The following LMNA variants were observed in gnomAD, a reference collection of about 807,000 sequenced individuals.
LMNA encodes lamin A/C.
In LMNA, 20 loss-of-function variants were observed where a neutral mutation model predicts 70.4. That is an observed-to-expected ratio of 0.28 (90% confidence interval 0.20 to 0.41). LMNA has a LOEUF of 0.41. Among genes scored for constraint, LMNA ranks in the 10% least tolerant of loss-of-function variants. LMNA has a pLI of 1.00. For missense variants in LMNA, 652 were observed against 917.2 expected (o/e 0.71, Z 3.73); for synonymous variants, 339 against 372.8 (o/e 0.91, Z 1.04).
At chr1:156,102,517 C>G (rs1649179603) in intron 3 of LMNA, among the ~76,000 whole-genome samples, 1 of 152,130 alleles carries the variant, frequency 6.6e-6, no homozygotes, top group South Asian at 2.1e-4. Context: ...GTGAATGAAC[C>G]CTTCCATCTC....
Position 156,137,477 on chromosome 1 carries a change from A to C in LMNA, c.1609-177A>C, listed in dbSNP as rs1651759420. 2 of 780,074 alleles carry C rather than the reference A, an allele frequency of 2.6e-6. No individual in the cohort carries two copies. Among genetic ancestry groups the C allele is most frequent in the African/African-American group, 1.7e-5 (1 of 58,596 alleles). 48.3% of individuals were successfully genotyped at this position (780,074 alleles called of 1,614,324 possible). On this transcript the variant is annotated intron_variant, in intron 9 of 11. Transcript: ENST00000368300. This position sits in a 1 kb window ranked among gnomAD's most constrained non-coding sequence, Gnocchi z 4.6. ...CATACTCCTACCCGGAGAGCTTGAC[A>C]GTGTCCCTCTGGGGTGGAAATGAGT...
chr1:156,116,129 T>G (rs189710486), intron 1 of LMNA, among the ~76,000 whole-genome samples: 2 of 152,346 alleles, frequency 1.3e-5, no homozygotes, highest in Admixed American at 6.5e-5. Context: ...CTCTGCCTAG[T>G]GTCTTCGAGG....
At chr1:156,129,965 C>A (rs549499815) in intron 1 of LMNA, 36 of 722,172 alleles carry the variant, frequency 5.0e-5, no homozygotes, top group East Asian at 2.1e-4. Flanking sequence ...GAGGCAGGGA[C>A]CCCTCTGTTC....
In LMNA at chr1:156,114,810, G is replaced by T. The variant is rs886045360; in HGVS notation, c.-109G>T. 2.4e-5 allele frequency: 18 copies of T among 762,912 alleles called. No homozygotes were observed. Among genetic ancestry groups the T allele is most frequent in the Non-Finnish European group, 3.4e-5 (17 of 493,618 alleles). 47.3% of individuals were successfully genotyped at this position (762,912 alleles called of 1,614,324 possible). The stretch of plus-strand genomic sequence containing the variant: ...CACGCCTGCCAGGAGCAAGCCGAGA[G>T]CCAGCCGGCCGGCGCACTCCGACTC... On this transcript the variant is annotated 5_prime_UTR_variant, in exon 1 of 12. Transcript: ENST00000368300.
chr1:156,109,814 G>A (rs1449256951), upstream of LMNA: 1 of 137,800 alleles, frequency 7.3e-6, no homozygotes, highest in East Asian at 2.4e-4. Flanking sequence ...GTGTGTGTGT[G>A]TGTGCATATA....
chr1:156,096,807 C>T (rs1368944869), intron 3 of LMNA, among the ~76,000 whole-genome samples: 2 of 152,236 alleles, frequency 1.3e-5, no homozygotes, highest in Non-Finnish European at 1.5e-5. Flanking sequence ...CAGGGCCTGT[C>T]GGTCTCTCCC....
Position 156,084,332 on chromosome 1 carries a change from GGGT to G in LMNA, c.-319+1154_-319+1156del, listed in dbSNP as rs1222191702. Among the ~76,000 whole-genome samples, 363 of 96,662 alleles carry G rather than the reference GGGT, an allele frequency of 3.8e-3. 54 individuals are homozygous for G. Among genetic ancestry groups the G allele is most frequent in the African/African-American group, 0.018 (341 of 18,450 alleles). The allele number at this position is 96,662 out of a possible 152,430, so 63.4% of individuals were successfully genotyped here. On this transcript the variant is annotated intron_variant, in intron 2 of 12. Coordinates refer to the LMNA transcript ENST00000368301. ...GAGCTGAGGATCTCAGAAGGTCGGG[GGGT>G]GGTGGGGGCAGTTGGCACACTGCAG...
chr1:156,099,992 C>A (rs1402147392), intron 3 of LMNA, among the ~76,000 whole-genome samples: 2 of 152,056 alleles, frequency 1.3e-5, no homozygotes, highest in African/African-American at 4.8e-5. Flanking sequence ...ATGTTGATGC[C>A]CAGTGAGGGT....
chr1:156,110,016 T>A (rs1332307401), upstream of LMNA, among the ~76,000 whole-genome samples: 3 of 150,916 alleles, frequency 2.0e-5, no homozygotes, highest in Non-Finnish European at 4.4e-5. Context: ...CCCAGCTAAT[T>A]TTTTTTTTAA....
At chr1:156,121,031 A>C (rs947995313) in intron 1 of LMNA, among the ~76,000 whole-genome samples, 5 of 135,164 alleles carry the variant, frequency 3.7e-5, no homozygotes, top group Non-Finnish European at 3.1e-5. Flanking sequence ...CCAACCCTCC[A>C]CCACCAAATC....
At chr1:156,122,484 A>G (rs1479359304) in intron 1 of LMNA, among the ~76,000 whole-genome samples, 1 of 152,262 alleles carries the variant, frequency 6.6e-6, no homozygotes, top group African/African-American at 2.4e-5. Context: ...GTGGAATTAA[A>G]CATACTACCA....
At position 156,103,894 on chromosome 1, in the gene LMNA, G is replaced by C. The variant is rs775722338; in HGVS notation, c.-206-10819G>C. Among the ~76,000 whole-genome samples, 68 of 152,128 alleles carry C rather than the reference G, an allele frequency of 4.5e-4. No homozygotes were observed. The highest frequency in any genetic ancestry group is 3.7e-4 in the Non-Finnish European group (25 of 68,000). ...ACCAGCCCTGCTCCCCTGCCCTTTCGAAGCCTCTAGTGGAGTCACTCCTTT... is the reference window on the plus strand; with the variant it reads ...ACCAGCCCTGCTCCCCTGCCCTTTCCAAGCCTCTAGTGGAGTCACTCCTTT... On this transcript the variant is annotated intron_variant, in intron 3 of 12. Coordinates refer to the LMNA transcript ENST00000368301. The surrounding 1 kb of genome is among the most constrained non-coding windows in gnomAD (Gnocchi z 4.7).
In LMNA at chr1:156,092,022, A is replaced by T. The variant is rs568243085; in HGVS notation, c.-207+1440A>T. On this transcript the variant is annotated intron_variant, in intron 3 of 12. Coordinates refer to the LMNA transcript ENST00000368301. ...AACCTCCGCCTCCTGGGTTCAAGCC[A>T]TTCTCCTGCCTCGGCCTCCCTAGTA... 2.0e-5 allele frequency among the ~76,000 whole-genome samples: 3 copies of T among 151,928 alleles called. No individual in the cohort carries two copies. The East Asian group carries it at 5.8e-4, about 30-fold the overall frequency.
chr1:156,109,660 G>A (rs940207661), upstream of LMNA: 6 of 152,262 alleles, frequency 3.9e-5, no homozygotes, highest in African/African-American at 1.4e-4. Flanking sequence ...TGCAAAGCAG[G>A]GAAATAATTT....
Position 156,139,803 on chromosome 1 carries a change from A to G in LMNA, c.*697A>G. 1 of 1,532,916 alleles carries G rather than the reference A, an allele frequency of 6.5e-7. No homozygotes were observed. Among genetic ancestry groups the G allele is most frequent in the East Asian group, 2.5e-5 (1 of 40,790 alleles). 95.0% of individuals were successfully genotyped at this position (1,532,916 alleles called of 1,614,324 possible). On this transcript the variant is annotated 3_prime_UTR_variant, in exon 12 of 12. Transcript: ENST00000368300. ...TGGGAATGAGGTGGGAGGTGGAAGA[A>G]GGGAGAAGAAAGGTGAGTTTGAGCT...
At position 156,105,422 on chromosome 1, in the gene LMNA, C is replaced by T. The variant is rs554728250; in HGVS notation, c.-206-9291C>T. Among the ~76,000 whole-genome samples, 8 of 152,248 alleles carry T rather than the reference C, an allele frequency of 5.3e-5. No individual in the cohort carries two copies. The East Asian group carries it at 1.5e-3, about 29-fold the overall frequency. On this transcript the variant is annotated intron_variant, in intron 3 of 12. Coordinates refer to the LMNA transcript ENST00000368301. ...CCATCCCTACTCTACTTGGCAGCCC[C>T]CCTCCCCACTCCTCCTGAGAGTGCC...
intron 1 of LMNA, chr1:156,126,634 C>A (rs1650606369): frequency 1.7e-6 from 2 of 1,150,334 alleles, no homozygotes; most frequent in Non-Finnish European, 2.6e-6. Context: ...CTTCAGACCC[C>A]TGCCTTGGGT....
chr1:156,111,449 CAAAAA>C (rs5777973), upstream of LMNA, among the ~76,000 whole-genome samples: 1 of 119,676 alleles, frequency 8.4e-6, no homozygotes. Context: ...AACTCTGTCT[CAAAAA>C]AAAAAAAAAA....
chr1:156,088,254 A>G (rs1480792649), intron 2 of LMNA, among the ~76,000 whole-genome samples: 1 of 152,168 alleles, frequency 6.6e-6, no homozygotes, highest in African/African-American at 2.4e-5. Flanking sequence ...GAGTCCAGAC[A>G]GTTTTCTCTC....
Sources: gnomAD v4.1 joint callset for allele counts (sites outside exome capture counted in the v4.1 genomes callset) on GRCh38, gnomAD v4.1.1 for gene constraint, Gnocchi (gnomAD v3.1) non-coding constraint, MANE v1.5 for transcripts, NCBI Gene and HGNC (gene_info 2026-07-23, HGNC 2026-07-21) for gene names.